The following TMEM108 variants were observed in gnomAD, a reference collection of about 807,000 sequenced individuals.
The protein encoded by TMEM108 is transmembrane protein 108.
TMEM108 carries 12 observed loss-of-function variants against 35.1 expected under a neutral mutation model. The observed-to-expected ratio is 0.34, with a 90% CI of 0.22 to 0.55. The LOEUF is 0.55. Among genes scored for constraint, TMEM108 ranks in the 20% least tolerant of loss-of-function variants. TMEM108 has a pLI of 0.89. For missense variants in TMEM108, 680 were observed against 753.3 expected, an observed-to-expected ratio of 0.90 and a Z score of 1.14; for synonymous variants, 287 against 308.6, an observed-to-expected ratio of 0.93 and a Z score of 0.73.
intron 3 of TMEM108, among the ~76,000 whole-genome samples, chr3:133,237,828 G>A (rs76060103): frequency 0.014 from 2,157 of 152,232 alleles, 61 homozygotes; most frequent in African/African-American, 0.049. Context: ...AATGCTATTT[G>A]TTAAGAGTAA....
intron 2 of TMEM108, among the ~76,000 whole-genome samples, chr3:133,184,632 A>G (rs186138990): frequency 6.6e-4 from 100 of 151,996 alleles, no homozygotes; most frequent in African/African-American, 2.2e-3. Flanking sequence ...AACTCCCTTC[A>G]GTCATTTTTT....
At chr3:133,269,181 T>G (rs531849794) in intron 3 of TMEM108, among the ~76,000 whole-genome samples, 16 of 152,268 alleles carry the variant, frequency 1.1e-4, no homozygotes, top group African/African-American at 3.9e-4. Flanking sequence ...AATCAATTAA[T>G]GCTGGATCTC....
chr3:133,089,368 A>G (rs1943920879), intron 2 of TMEM108, among the ~76,000 whole-genome samples: 1 of 152,222 alleles, frequency 6.6e-6, no homozygotes, highest in African/African-American at 2.4e-5. Context: ...TTAATATATT[A>G]GCATATTGAG....
intron 3 of TMEM108, among the ~76,000 whole-genome samples, chr3:133,267,071 A>G (rs1946708669): frequency 7.6e-6 from 1 of 131,928 alleles, no homozygotes; most frequent in South Asian, 2.7e-4. Flanking sequence ...ACAGAGCAAG[A>G]CTCCACCTCA....
intron 4 of TMEM108, chr3:133,388,589 T>G (rs1234172389): frequency 2.0e-6 from 2 of 985,308 alleles, no homozygotes; most frequent in Admixed American, 1.2e-4. Context: ...CCTTCTATGT[T>G]TTAAAGATTT....
rs532371173 is a variant in TMEM108, at chr3:133,155,321, A to G, written c.-46-73945A>G. Among the ~76,000 whole-genome samples the G allele has an allele frequency of 9.2e-5, 14 of 152,258 alleles. No individual in the cohort carries two copies. The East Asian group carries it at 1.5e-3, about 17-fold the overall frequency. ...TTGTGAGTAGTGCTGCAATAAACAT[A>G]ATGTGTGCATGTGTTTTTAAGGTAG... On this transcript the variant is annotated intron_variant, in intron 2 of 5. Transcript: ENST00000321871.
intron 2 of TMEM108, among the ~76,000 whole-genome samples, chr3:133,177,657 G>A (rs1258273198): frequency 1.1e-4 from 17 of 152,204 alleles, no homozygotes; most frequent in East Asian, 1.9e-4. Flanking sequence ...TTGATGGGAC[G>A]TATCTCAAAA....
At chr3:133,238,087 A>ATCCCTTCTCCCTTTCATATCCCTCC (rs1946264280) in intron 3 of TMEM108, among the ~76,000 whole-genome samples, 1 of 151,498 alleles carries the variant, frequency 6.6e-6, no homozygotes, top group African/African-American at 2.4e-5. Context: ...CTCATCTCTT[A>ATCCCTTCTCCCTTTCATATCCCTCC]TCCCTTCTCC....
chr3:133,388,784 G>A (rs1304236882), intron 4 of TMEM108: 9 of 985,422 alleles, frequency 9.1e-6, no homozygotes, highest in Non-Finnish European at 1.1e-5. Context: ...CAGGGCCCTG[G>A]GCTCTGGGCT....
In TMEM108 at chr3:133,272,021, G is replaced by A. The variant is rs182356292; in HGVS notation, c.40+42670G>A. 3.9e-4 allele frequency among the ~76,000 whole-genome samples: 60 copies of A among 152,270 alleles called. No homozygotes were observed. In the East Asian group the frequency reaches 6.2e-3, roughly 16 times the overall value. On this transcript the variant is annotated intron_variant, in intron 3 of 5. Coordinates refer to ENST00000321871, the MANE Select transcript of TMEM108 (RefSeq NM_023943.4). ...AATGCATTTAAATTATGTTTTGAGC[G>A]CTTAACTCTGCTGTAGGAGCTAAAG...
rs190715280 is a variant in TMEM108, at chr3:133,122,731, C to G, written c.-47+76711C>G. ...ACAAAAAATTAGCTCGGTGTGGTTG[C>G]AGGTGCCTGTAGTCCCAGCTACTCG... On this transcript the variant is annotated intron_variant, in intron 2 of 5. Coordinates refer to ENST00000321871, the MANE Select transcript of TMEM108 (RefSeq NM_023943.4). Among the ~76,000 whole-genome samples the G allele has an allele frequency of 2.2e-4, 34 of 151,996 alleles. No individual in the cohort carries two copies. The East Asian group carries it at 5.8e-3, about 26-fold the overall frequency.
At chr3:133,272,370 T>C (rs1364231417) in intron 3 of TMEM108, among the ~76,000 whole-genome samples, 1 of 151,890 alleles carries the variant, frequency 6.6e-6, no homozygotes, top group African/African-American at 2.4e-5. Context: ...ACTTCCTTGA[T>C]GTACAGAAAT....
chr3:133,308,486 T>G (rs1238113645), intron 3 of TMEM108, among the ~76,000 whole-genome samples: 1 of 152,206 alleles, frequency 6.6e-6, no homozygotes, highest in African/African-American at 2.4e-5. Flanking sequence ...AGTATGATAT[T>G]CGCTGTGGGT....
At chr3:133,158,465 T>TAA (rs11328701) in intron 2 of TMEM108, among the ~76,000 whole-genome samples, 4 of 80,598 alleles carry the variant, frequency 5.0e-5, no homozygotes, top group Admixed American at 1.6e-4. Flanking sequence ...AGACTCTGTC[T>TAA]AAAAAAAAAA....
intron 2 of TMEM108, among the ~76,000 whole-genome samples, chr3:133,167,207 CT>C (rs1444476775): frequency 9.8e-5 from 15 of 152,306 alleles, no homozygotes; most frequent in African/African-American, 3.1e-4. Context: ...GCTGATTGGT[CT>C]GTTTACAAAA....
intron 2 of TMEM108, among the ~76,000 whole-genome samples, chr3:133,065,269 CACTT>C (rs1163352165): frequency 4.0e-5 from 6 of 151,160 alleles, no homozygotes; most frequent in Admixed American, 2.0e-4. Context: ...TACAAATAAA[CACTT>C]ACATAGGTAG....
At chr3:133,129,231 T>C (rs1944456717) in intron 2 of TMEM108, among the ~76,000 whole-genome samples, 1 of 151,850 alleles carries the variant, frequency 6.6e-6, no homozygotes, top group Non-Finnish European at 1.5e-5. Flanking sequence ...TAATCCCGGC[T>C]ATTCAGGAGG....
At chr3:133,101,916 T>TA (rs1309120230) in intron 2 of TMEM108, among the ~76,000 whole-genome samples, 15 of 152,246 alleles carry the variant, frequency 9.9e-5, no homozygotes, top group African/African-American at 3.4e-4. Flanking sequence ...TCCAGGTTGT[T>TA]ATGATTTATT....
At position 133,308,277 on chromosome 3, in the gene TMEM108, T is replaced by A. The variant is rs567332088; in HGVS notation, c.41-71475T>A. ...GATTTTGGGCTAAGACGATGGGGTT[T>A]TCTAAATAGACAATCATGTCATCTG... On this transcript the variant is annotated intron_variant, in intron 3 of 5. Transcript: ENST00000321871. 7.9e-5 allele frequency among the ~76,000 whole-genome samples: 12 copies of A among 152,272 alleles called. No homozygotes were observed. The East Asian group carries it at 2.3e-3, about 29-fold the overall frequency.
Sources: allele counts gnomAD v4.1 joint callset (sites outside exome capture counted in the v4.1 genomes callset), GRCh38; gene constraint gnomAD v4.1.1; transcripts MANE v1.5; gene names NCBI Gene and HGNC (gene_info 2026-07-23, HGNC 2026-07-21).